MGA: variants seen among roughly 807,000 people sequenced by gnomAD.
MGA encodes MAX dimerization protein MGA, also known as MAX gene-associated protein.
Under a neutral mutation model 261.1 loss-of-function variants are expected in MGA, and 40 were observed. The ratio of observed to expected loss-of-function variants is 0.15; its 90% CI spans 0.12 to 0.20. The LOEUF (loss-of-function observed/expected upper bound fraction) is 0.20. Among genes scored for constraint, MGA ranks in the 10% least tolerant of loss-of-function variants. MGA has a pLI of 1.00. For missense variants in MGA, 3,397 were observed against 3,630.5 expected (o/e 0.94, Z 1.65); for synonymous variants, 1,302 against 1,290.6 (o/e 1.01, Z -0.19).
At chr15:41,645,241 A>G (rs1181586992) in intron 1 of MGA, among the ~76,000 whole-genome samples, 1 of 152,240 alleles carries the variant, frequency 6.6e-6, no homozygotes, top group Non-Finnish European at 1.5e-5. Context: ...ACTCATATCA[A>G]TTCACAAGCA....
intron 1 of MGA, among the ~76,000 whole-genome samples, chr15:41,654,436 C>A (rs2057125681): frequency 6.6e-6 from 1 of 152,004 alleles, no homozygotes; most frequent in Admixed American, 6.6e-5. Context: ...ATTTTGTTCA[C>A]CTTATGATGG....
chr15:41,689,569 T>C (rs1016823801), intron 2 of MGA, among the ~76,000 whole-genome samples: 6 of 147,486 alleles, frequency 4.1e-5, no homozygotes, highest in Non-Finnish European at 7.4e-5. Context: ...TTTCTTTTTT[T>C]TTTTTCTTTT....
chr15:41,651,919 T>C (rs1595573577), intron 1 of MGA, among the ~76,000 whole-genome samples: 21 of 47,602 alleles, frequency 4.4e-4, no homozygotes, highest in Non-Finnish European at 5.4e-4. Flanking sequence ...CCTTCTCCAC[T>C]CCTTCCTCTC....
chr15:41,695,097 A>G (rs78812386), intron 2 of MGA, among the ~76,000 whole-genome samples: 5,018 of 152,016 alleles, frequency 0.033, 141 homozygotes, highest in African/African-American at 0.07. Context: ...GTTGACTTGT[A>G]TGGATATTTT....
At chr15:41,725,241 G>A (rs2061161508) in intron 9 of MGA, among the ~76,000 whole-genome samples, 1 of 152,234 alleles carries the variant, frequency 6.6e-6, no homozygotes, top group South Asian at 2.1e-4. Context: ...AGGAGGCTGA[G>A]GCCGCAGGAT....
At chr15:41,644,289 G>A (rs1350620030) in intron 1 of MGA, among the ~76,000 whole-genome samples, 1 of 143,996 alleles carries the variant, frequency 6.9e-6, no homozygotes, top group Non-Finnish European at 1.5e-5. Context: ...TGGGAGGATT[G>A]CTTGAGGTCA....
In MGA at chr15:41,769,423, T is replaced by G. The variant is rs2063949285; in HGVS notation, c.*2143T>G. 6.6e-6 allele frequency: 1 copy of G among 151,978 alleles called. No homozygotes were observed. The highest frequency in any genetic ancestry group is 2.1e-4 in the South Asian group (1 of 4,820). 9.4% of individuals were successfully genotyped at this position (151,978 alleles called of 1,614,324 possible). ...GAAATGAGGGATGATTCCAGGCGTT[T>G]TAGGGGGAAGGCTGCAGATACCATT... On this transcript the variant is annotated 3_prime_UTR_variant, in exon 24 of 24. Coordinates refer to ENST00000219905, the MANE Select transcript of MGA (RefSeq NM_001164273.2).
In MGA at chr15:41,696,726, A is replaced by T. The variant is rs1420946388; in HGVS notation, c.1716A>T (p.Ser572=). Residue 572 remains serine (S), a synonymous_variant, in exon 3 of 24, where the codon TCA becomes TCT. Coordinates refer to ENST00000219905, the MANE Select transcript of MGA (RefSeq NM_001164273.2). The stretch of plus-strand genomic sequence containing the variant: ...GAATACTCGACGATTCAAAGGATTC[A>T]GTTGGAGACTCACTTTCAGGAAAAG... 1.9e-6 allele frequency: 3 copies of T among 1,612,302 alleles called. No individual in the cohort carries two copies. Among genetic ancestry groups the T allele is most frequent in the African/African-American group, 1.3e-5 (1 of 74,942 alleles).
At chr15:41,759,875 G>A (rs967725147) in intron 19 of MGA, among the ~76,000 whole-genome samples, 3 of 152,182 alleles carry the variant, frequency 2.0e-5, no homozygotes, top group African/African-American at 7.2e-5. Context: ...ATTTCTAGCA[G>A]ATAGGAATGG....
At chr15:41,695,950 G>T (rs970753453) in intron 2 of MGA, 125 bp from the exon 3 acceptor site, 22 of 715,092 alleles carry the variant, frequency 3.1e-5, no homozygotes, top group Non-Finnish European at 4.7e-5. Flanking sequence ...GAGTGTTTTT[G>T]AGGAATGGCT....
Position 41,696,096 on chromosome 15 carries a change from A to G in MGA, c.1086A>G (p.Glu362=), listed in dbSNP as rs370544829. The change falls in exon 3 of 24, where the codon GAA becomes GAG. Residue 362 remains glutamate, a synonymous_variant. Coordinates refer to ENST00000219905, the MANE Select transcript of MGA (RefSeq NM_001164273.2). ...CCAGTCTTATTGCCAGCAGTTTTGAAGATGACTCCCGTGTAGCCTCACCGT... is the reference window on the plus strand; with the variant it reads ...CCAGTCTTATTGCCAGCAGTTTTGAGGATGACTCCCGTGTAGCCTCACCGT... The G allele has an allele frequency of 1.6e-4, 260 of 1,609,130 alleles. No individual in the cohort carries two copies. Among genetic ancestry groups the G allele is most frequent in the Non-Finnish European group, 2.1e-4 (249 of 1,177,362 alleles).
intron 5 of MGA, among the ~76,000 whole-genome samples, chr15:41,704,538 G>C (rs2060011225): frequency 6.6e-6 from 1 of 152,150 alleles, no homozygotes; most frequent in South Asian, 2.1e-4. Context: ...GGCACCTGTA[G>C]TCCCAGCTGC....
chr15:41,625,996 A>G (rs941354602), intron 1 of MGA, among the ~76,000 whole-genome samples: 13 of 152,300 alleles, frequency 8.5e-5, no homozygotes, highest in African/African-American at 3.1e-4. Flanking sequence ...CTTTTATTAT[A>G]GTATATTGTA....
Position 41,767,949 on chromosome 15 carries a change from A to C in MGA, c.*669A>C, listed in dbSNP as rs527612595. On this transcript the variant is annotated 3_prime_UTR_variant, in exon 24 of 24. Transcript: ENST00000219905. ...TTATTATTAATTATTTTGAGATCTT[A>C]AAAAAATAGTAGTTCTCCCTTATTA... 3.3e-5 allele frequency: 5 copies of C among 152,456 alleles called. No homozygotes were observed. Among genetic ancestry groups the C allele is most frequent in the African/African-American group, 4.8e-5 (2 of 41,442 alleles). 9.4% of individuals were successfully genotyped at this position (152,456 alleles called of 1,614,324 possible). A position where few individuals can be genotyped will look rare whatever the true frequency, so the allele number is the denominator to read the frequency against.
rs756970235 is a variant in MGA at position 41,653,368 on chromosome 15, C to CA, written c.-67-15459dup. Among the ~76,000 whole-genome samples the CA allele has an allele frequency of 1.7e-3, 225 of 135,448 alleles. 1 individual carries two copies. Among genetic ancestry groups the CA allele is most frequent in the African/African-American group, 4.0e-3 (148 of 37,298 alleles). 88.9% of individuals were successfully genotyped at this position (135,448 alleles called of 152,430 possible). Reference sequence around the variant, plus strand: ...TGGGTGACAGACCGAGACTCCATCTCAGAAAAAAAAACAACAAAAAACAAC... The same window carrying CA: ...TGGGTGACAGACCGAGACTCCATCTCAAGAAAAAAAAACAACAAAAAACAAC... On this transcript the variant is annotated intron_variant, in intron 1 of 8. Coordinates refer to the MGA transcript ENST00000566718.
intron 2 of MGA, among the ~76,000 whole-genome samples, chr15:41,690,406 G>A (rs1024785811): frequency 6.6e-6 from 1 of 152,116 alleles, no homozygotes; most frequent in African/African-American, 2.4e-5. Context: ...ACAAGTCTTT[G>A]CGTGAACACA....
Position 41,754,518 on chromosome 15 carries a change from G to A in MGA, c.7090G>A (p.Val2364Ile). 1 of 1,585,552 alleles carries A rather than the reference G, an allele frequency of 6.3e-7. No homozygotes were observed. Among genetic ancestry groups the A allele is most frequent in the Non-Finnish European group, 8.6e-7 (1 of 1,164,200 alleles). Reference sequence around the variant, plus strand: ...AGAAGAGCTCTCAGAGGAAATTAATGTTGCTCACCTGAAGACCACAGCGGC... The same window carrying A: ...AGAAGAGCTCTCAGAGGAAATTAATATTGCTCACCTGAAGACCACAGCGGC... The change falls in exon 18 of 24, where the codon GTT (valine) becomes ATT (isoleucine). Residue 2364 changes from valine (V) to isoleucine (I), a missense_variant. Val to Ile is a conservative substitution (Grantham distance 29). Coordinates refer to ENST00000219905, the MANE Select transcript of MGA (RefSeq NM_001164273.2).
At position 41,749,435 on chromosome 15, in the gene MGA, G is replaced by A; in HGVS notation, c.5828G>A (p.Ser1943Asn). Residue 1943 changes from serine to asparagine, a missense_variant, in exon 17 of 24, where the codon AGT becomes AAT. Physicochemically the swap from Ser to Asn is conservative, Grantham distance 46. Coordinates refer to ENST00000219905, the MANE Select transcript of MGA (RefSeq NM_001164273.2). ...AGTCTTATTCCTCTCCAGTCTGGTA[G>A]TTTTGCCTTGTTACAGCTCCCAGGA... 6.2e-7 allele frequency: 1 copy of A among 1,614,016 alleles called. No individual in the cohort carries two copies. Among genetic ancestry groups the A allele is most frequent in the Non-Finnish European group, 8.5e-7 (1 of 1,179,902 alleles).
intron 2 of MGA, among the ~76,000 whole-genome samples, chr15:41,672,813 A>T (rs1205239734): frequency 1.3e-5 from 2 of 152,144 alleles, no homozygotes; most frequent in Non-Finnish European, 2.9e-5. Context: ...TTTACAGGAA[A>T]AATTTGCCAA....
Sources: gnomAD v4.1 joint callset for allele counts (sites outside exome capture counted in the v4.1 genomes callset) on GRCh38, gnomAD v4.1.1 for gene constraint, MANE v1.5 for transcripts, NCBI Gene and HGNC (gene_info 2026-07-23, HGNC 2026-07-21) for gene names.